Variants in BORCS5 observed in about 807,000 individuals in gnomAD.
BORCS5 encodes BLOC-1-related complex subunit 5.
In BORCS5, 17 loss-of-function variants were observed where a neutral mutation model predicts 22.1. The ratio of observed to expected loss-of-function variants is 0.77; its 90% CI spans 0.53 to 1.15. The LOEUF is 1.15. BORCS5 is among the 50% of genes most tolerant of loss of function. BORCS5 has a pLI of 0.00. For synonymous variants in BORCS5, 117 were observed against 99.8 expected, an observed-to-expected ratio of 1.17 and a Z score of -1.03; for missense variants, 247 against 253.2, an observed-to-expected ratio of 0.98 and a Z score of 0.17.
chr12:12,414,360 C>T lies in BORCS5; in HGVS notation c.203-21268C>T, dbSNP rs1236737567. On this transcript the variant is annotated intron_variant, in intron 2 of 3. Coordinates refer to ENST00000314565, the MANE Select transcript of BORCS5 (RefSeq NM_058169.6). Reference sequence around the variant, plus strand: ...CTGGCCCCCCCACCTCCCTCCCGGACGGGGTGGCTGGTCAGGCGGGGGGCT... The same window carrying T: ...CTGGCCCCCCCACCTCCCTCCCGGATGGGGTGGCTGGTCAGGCGGGGGGCT... Among the ~76,000 whole-genome samples the T allele has an allele frequency of 1.1e-3, 115 of 104,724 alleles. 4 individuals carry two copies. Among genetic ancestry groups the T allele is most frequent in the Non-Finnish European group, 1.7e-3 (83 of 48,964 alleles). The allele number at this position is 104,724 out of a possible 152,430, so 68.7% of individuals were successfully genotyped here.
intron 2 of BORCS5, among the ~76,000 whole-genome samples, chr12:12,425,644 A>T (rs1255251704): frequency 6.6e-6 from 1 of 152,150 alleles, no homozygotes; most frequent in Non-Finnish European, 1.5e-5. Context: ...TCTCCTTTGG[A>T]GAAATGCCTA....
chr12:12,445,944 C>CTGTTT (rs1040500229), intron 3 of BORCS5, among the ~76,000 whole-genome samples: 35 of 151,908 alleles, frequency 2.3e-4, no homozygotes, highest in South Asian at 6.2e-4. Context: ...TACCTAGCTT[C>CTGTTT]TGTTTTGTTT....
In BORCS5 at chr12:12,402,267, T is replaced by C. The variant is rs750303730; in HGVS notation, c.203-33361T>C. On this transcript the variant is annotated intron_variant, in intron 2 of 3. Transcript: ENST00000314565. Reference sequence around the variant, plus strand: ...GCCAGTAACTATTCATGGAATTAGATTGGATAGCTGATAAAAGCAGGGCAT... The same window carrying C: ...GCCAGTAACTATTCATGGAATTAGACTGGATAGCTGATAAAAGCAGGGCAT... Among the ~76,000 whole-genome samples, 5 of 152,228 alleles carry C rather than the reference T, an allele frequency of 3.3e-5. No individual in the cohort carries two copies. In the South Asian group the frequency reaches 1.0e-3, roughly 32 times the overall value.
chr12:12,439,945 ACT>A (rs1942649051), intron 3 of BORCS5, among the ~76,000 whole-genome samples: 1 of 151,976 alleles, frequency 6.6e-6, no homozygotes, highest in East Asian at 1.9e-4. Flanking sequence ...TCAAACACCA[ACT>A]CTCTGATATT....
intron 2 of BORCS5, among the ~76,000 whole-genome samples, chr12:12,382,991 T>C (rs1187118863): frequency 1.3e-5 from 2 of 151,500 alleles, no homozygotes; most frequent in East Asian, 1.9e-4. Flanking sequence ...ACTTTTAATA[T>C]AGTTATTGAT....
At chr12:12,399,387 T>C (rs1294158049) in intron 2 of BORCS5, among the ~76,000 whole-genome samples, 2 of 152,094 alleles carry the variant, frequency 1.3e-5, no homozygotes, top group African/African-American at 4.8e-5. Context: ...CTCCAGCTCT[T>C]TGGGTGGTTG....
chr12:12,429,492 G>A (rs1262503114), intron 2 of BORCS5, among the ~76,000 whole-genome samples: 1 of 152,176 alleles, frequency 6.6e-6, no homozygotes, highest in Non-Finnish European at 1.5e-5. Context: ...AGTCAAGGAA[G>A]CACATTCTGA....
At chr12:12,419,044 C>CT (rs1456999995) in intron 2 of BORCS5, among the ~76,000 whole-genome samples, 1 of 151,714 alleles carries the variant, frequency 6.6e-6, no homozygotes, top group Admixed American at 6.6e-5. Flanking sequence ...TAGCTGTTTT[C>CT]TTTTTTTAAA....
chr12:12,456,969 T>C (rs1943008882), intron 3 of BORCS5, among the ~76,000 whole-genome samples: 2 of 152,104 alleles, frequency 1.3e-5, no homozygotes, highest in Admixed American at 6.5e-5. Flanking sequence ...ACAATAGATA[T>C]GTTGTGTCTA....
At chr12:12,372,437 CT>C (rs1199503882) in intron 2 of BORCS5, among the ~76,000 whole-genome samples, 1 of 152,164 alleles carries the variant, frequency 6.6e-6, no homozygotes, top group Non-Finnish European at 1.5e-5. Flanking sequence ...CTCAACCCCC[CT>C]GGGCTCAAGC....
intron 1 of BORCS5, among the ~76,000 whole-genome samples, chr12:12,361,003 G>A (rs1162580200): frequency 6.6e-6 from 1 of 152,174 alleles, no homozygotes; most frequent in Non-Finnish European, 1.5e-5. Context: ...TTACATGCAT[G>A]AGCCACCGTG....
intron 2 of BORCS5, among the ~76,000 whole-genome samples, chr12:12,411,041 A>G (rs1045939922): frequency 1.3e-5 from 2 of 152,172 alleles, no homozygotes; most frequent in Non-Finnish European, 2.9e-5. Flanking sequence ...TTATTGGTGT[A>G]TAGGAATGCT....
intron 2 of BORCS5, among the ~76,000 whole-genome samples, chr12:12,388,599 A>G (rs1474163244): frequency 1.3e-5 from 2 of 151,176 alleles, no homozygotes. Flanking sequence ...TAATTATACA[A>G]AAAGGGAAAA....
intron 2 of BORCS5, among the ~76,000 whole-genome samples, chr12:12,429,243 C>G (rs1405346034): frequency 1.3e-5 from 2 of 152,326 alleles, no homozygotes; most frequent in South Asian, 4.1e-4. Flanking sequence ...CTGTCCTTCT[C>G]CCTCTTTTCA....
At chr12:12,363,917 A>G (rs1203935826) in intron 2 of BORCS5, among the ~76,000 whole-genome samples, 2 of 152,044 alleles carry the variant, frequency 1.3e-5, no homozygotes, top group East Asian at 1.9e-4. Flanking sequence ...AAATATCTGC[A>G]TATAACTTTC....
intron 3 of BORCS5, among the ~76,000 whole-genome samples, chr12:12,460,246 C>T (rs1943078291): frequency 6.6e-6 from 1 of 152,106 alleles, no homozygotes; most frequent in Non-Finnish European, 1.5e-5. Flanking sequence ...GAATTTTTCC[C>T]TAAGTATTTC....
chr12:12,391,188 T>C (rs1251480436), intron 2 of BORCS5, among the ~76,000 whole-genome samples: 1 of 152,082 alleles, frequency 6.6e-6, no homozygotes, highest in African/African-American at 2.4e-5. Context: ...GTTCTGACCT[T>C]GGCCTCAACC....
At chr12:12,378,773 C>G (rs1294228014) in intron 2 of BORCS5, among the ~76,000 whole-genome samples, 1 of 151,230 alleles carries the variant, frequency 6.6e-6, no homozygotes, top group Non-Finnish European at 1.5e-5. Flanking sequence ...CAGTTACATA[C>G]TATGTTAATA....
At chr12:12,447,556 G>A (rs767389653) in intron 3 of BORCS5, among the ~76,000 whole-genome samples, 2 of 152,164 alleles carry the variant, frequency 1.3e-5, no homozygotes, top group African/African-American at 4.8e-5. Context: ...CAGCCCCAGT[G>A]GCAGTATACC....
Sources: gnomAD v4.1 joint callset for allele counts (sites outside exome capture counted in the v4.1 genomes callset) on GRCh38, gnomAD v4.1.1 for gene constraint, MANE v1.5 for transcripts, NCBI Gene and HGNC (gene_info 2026-07-23, HGNC 2026-07-21) for gene names.